TCP1: variants seen among roughly 807,000 people sequenced by gnomAD.
TCP1 encodes the protein t-complex 1.
In TCP1, 6 loss-of-function variants were observed where a neutral mutation model predicts 54.7. That is an observed-to-expected ratio of 0.11 (90% CI 0.06 to 0.22). TCP1 has a LOEUF of 0.22. TCP1 is among the 10% of genes least tolerant of loss of function. The pLI, the probability that TCP1 is intolerant of heterozygous loss-of-function variation, is 1.00. For missense variants in TCP1, 511 were observed against 678.2 expected, an observed-to-expected ratio of 0.75 and a Z score of 2.74; for synonymous variants, 225 against 229.7, an observed-to-expected ratio of 0.98 and a Z score of 0.19.
chr6:159,781,217 CTTTGTTATCT>C, intron 7 of TCP1, 107 bp from the exon 8 acceptor site: 1 of 1,006,794 alleles, frequency 9.9e-7, no homozygotes, highest in South Asian at 2.1e-5. Context: ...TTGTATTATC[CTTTGTTATCT>C]CTGACCAGAA....
intron 8 of TCP1, 59 bp downstream of exon 8, chr6:159,780,876 C>T (rs1254763817): frequency 6.6e-7 from 1 of 1,509,362 alleles, no homozygotes; most frequent in African/African-American, 1.4e-5. Flanking sequence ...TGTAAAAAGA[C>T]CTTTGATAGG....
In TCP1 at chr6:159,780,967, C is replaced by T. The variant is rs781202599; in HGVS notation, c.941G>A (p.Arg314Lys). Residue 314 changes from arginine (R) to lysine (K), a missense_variant, in exon 8 of 12, where the codon AGG becomes AAG. Coordinates refer to ENST00000321394, the MANE Select transcript of TCP1 (RefSeq NM_030752.3). ...AGCTTTGGCAATGCGTTTAAGGTCCCTTTTTAAAACTCTTCTAACTGCCAT... is the reference window on the plus strand; with the variant it reads ...AGCTTTGGCAATGCGTTTAAGGTCCTTTTTTAAAACTCTTCTAACTGCCAT... ...GAMAVRRVLK[R>K]DLKRIAKASG... is the part of the protein sequence containing the mutation. The T allele has an allele frequency of 1.2e-6, 2 of 1,609,474 alleles. No homozygotes were observed. Among genetic ancestry groups the T allele is most frequent in the East Asian group, 2.2e-5 (1 of 44,776 alleles).
chr6:159,784,624 T>C (rs1780651408), intron 6 of TCP1, 42 bp downstream of exon 6: 3 of 1,586,562 alleles, frequency 1.9e-6, no homozygotes, highest in Non-Finnish European at 1.7e-6. Context: ...CTAGTTTTAA[T>C]CTGTAGCAAT....
At position 159,781,060 on chromosome 6, in the gene TCP1, G is replaced by A; in HGVS notation, c.848C>T (p.Ala283Val). ...TCCACCAGTGGTTAGAATAACATTG[G>A]CACCAGTTGCCAGGATCTTCTGAAT... Reference protein sequence around the residue: ...ERIQKILATGANVILTTGGID... With the variant: ...ERIQKILATGVNVILTTGGID... Residue 283 changes from alanine to valine, a missense_variant, in exon 8 of 12, where the codon GCC (alanine) becomes GTC (valine). By Grantham distance (64) the Ala-to-Val change is moderately conservative. Around this residue, in one of 5 missense-constraint regions of TCP1, gnomAD observed 305 missense variants for 352.8 expected, o/e 0.86. Transcript: ENST00000321394. The A allele has an allele frequency of 6.2e-7, 1 of 1,611,206 alleles. No homozygotes were observed. Among genetic ancestry groups the A allele is most frequent in the Middle Eastern group, 1.7e-4 (1 of 6,050 alleles).
intron 8 of TCP1, 115 bp downstream of exon 8, chr6:159,780,820 T>A: frequency 7.4e-7 from 1 of 1,344,116 alleles, no homozygotes; most frequent in East Asian, 2.3e-5. Flanking sequence ...CACAAAGCAT[T>A]AAGAGAATAT....
intron 7 of TCP1, among the ~76,000 whole-genome samples, chr6:159,783,486 T>C (rs1780623652): frequency 1.3e-5 from 2 of 151,752 alleles, no homozygotes. Context: ...CTTCAGATTC[T>C]TGCCACCTCA....
rs781577521 is a variant in TCP1, at chr6:159,780,485, A to G, written c.1055T>C (p.Val352Ala). ...AAMLGQAEEV[V>A]QERICDDELI... Reference sequence around the variant, plus strand: ...CTCATCATCACAAATTCTCTCCTGTACCACTTCTTCTGCCTGTCCCAACAT... The same window carrying G: ...CTCATCATCACAAATTCTCTCCTGTGCCACTTCTTCTGCCTGTCCCAACAT... The change falls in exon 9 of 12, where the codon GTA (valine) becomes GCA (alanine). Residue 352 changes from valine to alanine, a missense_variant. Around this residue, in one of 5 missense-constraint regions of TCP1, gnomAD observed 305 missense variants for 352.8 expected, o/e 0.86. Coordinates refer to ENST00000321394, the MANE Select transcript of TCP1 (RefSeq NM_030752.3). 6.8e-6 allele frequency: 11 copies of G among 1,614,108 alleles called. No individual in the cohort carries two copies. The South Asian group carries it at 1.2e-4, about 18-fold the overall frequency.
chr6:159,787,674 T>C, intron 3 of TCP1, 69 bp downstream of exon 3: 5 of 1,573,646 alleles, frequency 3.2e-6, no homozygotes, highest in Non-Finnish European at 4.3e-6. Context: ...AATGACCCAC[T>C]TATGGCTTCA....
At position 159,780,965 on chromosome 6, in the gene TCP1, C is replaced by T. The variant is rs770280174; in HGVS notation, c.943G>A (p.Asp315Asn). The T allele has an allele frequency of 3.1e-6, 5 of 1,609,254 alleles. No homozygotes were observed. Among genetic ancestry groups the T allele is most frequent in the Admixed American group, 1.7e-5 (1 of 58,740 alleles). The change falls in exon 8 of 12, where the codon GAC becomes AAC. Residue 315 changes from aspartate (D) to asparagine (N), a missense_variant. By Grantham distance (23) the Asp-to-Asn change is conservative. This residue lies in a region of TCP1 where 305 missense variants were observed against 352.8 expected (regional missense o/e 0.86). Coordinates refer to ENST00000321394, the MANE Select transcript of TCP1 (RefSeq NM_030752.3). ...GAAGCTTTGGCAATGCGTTTAAGGT[C>T]CCTTTTTAAAACTCTTCTAACTGCC... is the stretch of plus-strand genomic sequence containing the variant. Reference protein sequence around the residue: ...AMAVRRVLKRDLKRIAKASGA... With the variant: ...AMAVRRVLKRNLKRIAKASGA...
At position 159,781,184 on chromosome 6, in the gene TCP1, T is replaced by C. The variant is rs535174893; in HGVS notation, c.798-74A>G. The stretch of plus-strand genomic sequence containing the variant: ...TAATTTAACTTCCATTAAGTATTTA[T>C]CACAAGATAATCATAGATCAAATTG... On this transcript the variant is annotated intron_variant, in intron 7 of 11. Coordinates refer to ENST00000321394, the MANE Select transcript of TCP1 (RefSeq NM_030752.3). 26 of 1,261,918 alleles carry C rather than the reference T, an allele frequency of 2.1e-5. No homozygotes were observed. The African/African-American group carries it at 3.5e-4, about 17-fold the overall frequency. The allele number at this position is 1,261,918 out of a possible 1,614,324, so 78.2% of individuals were successfully genotyped here. A position where few individuals can be genotyped will look rare whatever the true frequency, so the allele number is the denominator to read the frequency against.
At position 159,779,788 on chromosome 6, in the gene TCP1, C is replaced by G; in HGVS notation, c.1293G>C (p.Gly431=). 7 of 1,589,736 alleles carry G rather than the reference C, an allele frequency of 4.4e-6. No homozygotes were observed. Among genetic ancestry groups the G allele is most frequent in the Non-Finnish European group, 6.0e-6 (7 of 1,173,296 alleles). The change falls in exon 11 of 12, where the codon GGG becomes GGC. Residue 431 remains glycine (G), a splice_region_variant and synonymous_variant. Coordinates refer to ENST00000321394, the MANE Select transcript of TCP1 (RefSeq NM_030752.3). ...CTGCAATCGCAAGCTGTTCCCGAGACCCCTAGGAAAAGAAGAAAATTAGGT... is the reference window on the plus strand; with the variant it reads ...CTGCAATCGCAAGCTGTTCCCGAGAGCCCTAGGAAAAGAAGAAAATTAGGT... The part of the protein sequence containing the change: ...IYLENYATSM[G]SREQLAIAEF...
In TCP1 at chr6:159,778,615, G is replaced by A; in HGVS notation, c.*430C>T. The A allele has an allele frequency of 6.3e-7, 1 of 1,596,352 alleles. No homozygotes were observed. Among genetic ancestry groups the A allele is most frequent in the South Asian group, 1.1e-5 (1 of 90,164 alleles). ...AGACAAGTTTAAGATTTTAAACTGT[G>A]TCCACAGAAGAATAAACAATCTAAA... On this transcript the variant is annotated 3_prime_UTR_variant, in exon 12 of 12. Transcript: ENST00000321394.
chr6:159,784,584 A>T, intron 6 of TCP1, 82 bp downstream of exon 6: 2 of 1,461,482 alleles, frequency 1.4e-6, no homozygotes, highest in South Asian at 2.6e-5. Flanking sequence ...GATTACAGGC[A>T]TGAGCCACCG....
chr6:159,779,539 T>C, intron 11 of TCP1, 88 bp downstream of exon 11: 1 of 1,483,370 alleles, frequency 6.7e-7, no homozygotes, highest in South Asian at 1.4e-5. Context: ...AGTCTGTTAC[T>C]TATGTTTGCT....
At chr6:159,788,585 GAA>G (rs56336043) in intron 1 of TCP1, 10 of 147,470 alleles carry the variant, frequency 6.8e-5, no homozygotes, top group Non-Finnish European at 1.0e-4. Flanking sequence ...TGATGGCGGG[GAA>G]AAAAAAAAAA....
intron 11 of TCP1, 156 bp downstream of exon 11, chr6:159,779,471 T>C: frequency 9.1e-7 from 1 of 1,101,812 alleles, no homozygotes; most frequent in South Asian, 1.6e-5. Context: ...ATCCCTTGAA[T>C]TACAGTGACT....
intron 11 of TCP1, 108 bp from the exon 12 acceptor site, chr6:159,779,369 A>G: frequency 9.0e-7 from 1 of 1,105,252 alleles, no homozygotes; most frequent in Non-Finnish European, 1.3e-6. Context: ...ATCAGACTAG[A>G]GATCTTGTAG....
chr6:159,779,298 A>G (rs1780513791), intron 11 of TCP1, 37 bp from the exon 12 acceptor site: 8 of 1,558,326 alleles, frequency 5.1e-6, no homozygotes, highest in Non-Finnish European at 7.1e-6. Context: ...GGCCGCTTAC[A>G]ATTTCATTAG....
chr6:159,788,922 G>C (rs898171435), intron 1 of TCP1: 1 of 158,050 alleles, frequency 6.3e-6, no homozygotes, highest in Non-Finnish European at 1.4e-5. Context: ...GATACGGCTG[G>C]ACGCCGGACG....
Sources: gnomAD v4.1 joint callset for allele counts (sites outside exome capture counted in the v4.1 genomes callset) on GRCh38, gnomAD v4.1.1 for gene constraint, gnomAD v4.1.1 regional missense constraint, MANE v1.5 for transcripts, NCBI Gene and HGNC (gene_info 2026-07-23, HGNC 2026-07-21) for gene names.